The following KCNC2 variants were observed in gnomAD, a reference collection of about 807,000 sequenced individuals.
KCNC2 encodes potassium voltage-gated channel subfamily C member 2.
In KCNC2, 21 loss-of-function variants were observed where a neutral mutation model predicts 44.5. The observed-to-expected ratio is 0.47, with a 90% CI of 0.33 to 0.68. The LOEUF is 0.68. Ranked by LOEUF, KCNC2 falls within the 30% of genes least tolerant of loss-of-function variation. KCNC2 has a pLI of 0.01. For missense variants in KCNC2, 589 were observed against 826.2 expected (o/e 0.71, Z 3.52); for synonymous variants, 391 against 339.1 (o/e 1.15, Z -1.68).
intron 2 of KCNC2, among the ~76,000 whole-genome samples, chr12:75,128,070 A>G (rs1016026873): frequency 6.6e-6 from 1 of 152,202 alleles, no homozygotes; most frequent in Non-Finnish European, 1.5e-5. Context: ...ATGAAAAATA[A>G]TAACTCAAAT....
chr12:75,192,121 G>T (rs1565682462), intron 2 of KCNC2, among the ~76,000 whole-genome samples: 2 of 152,088 alleles, frequency 1.3e-5, no homozygotes, highest in South Asian at 4.1e-4. Flanking sequence ...GATAGAATGT[G>T]GAAAAATTCA....
rs1477847877 is a variant in KCNC2, at chr12:75,207,441, G to T, written c.543C>A (p.Asp181Glu). 2 of 1,608,654 alleles carry T rather than the reference G, an allele frequency of 1.2e-6. No homozygotes were observed. Among genetic ancestry groups the T allele is most frequent in the Non-Finnish European group, 8.5e-7 (1 of 1,177,890 alleles). The stretch of plus-strand genomic sequence containing the variant: ...GCCTCTTGGCCGCCAGGTCCTCGTC[G>T]TCGCCGGGGTCGCCGCCAATGAGGT... The part of the protein sequence containing the change: ...TPDLIGGDPG[D>E]DEDLAAKRLG... The change falls in exon 2 of 5, where the codon GAC becomes GAA. Residue 181 changes from aspartate to glutamate, a missense_variant. Transcript: ENST00000549446. This position sits in a 1 kb window ranked among gnomAD's most constrained non-coding sequence, Gnocchi z 4.1.
intron 2 of KCNC2, among the ~76,000 whole-genome samples, chr12:75,109,282 C>T (rs1221319576): frequency 6.6e-6 from 1 of 152,162 alleles, no homozygotes; most frequent in African/African-American, 2.4e-5. Context: ...TTAATGCCCC[C>T]ATCATCCTTT....
intron 2 of KCNC2, among the ~76,000 whole-genome samples, chr12:75,182,175 A>T (rs530823829): frequency 1.3e-5 from 2 of 151,920 alleles, no homozygotes; most frequent in African/African-American, 4.8e-5. Flanking sequence ...CTGCCTCTGC[A>T]TGAATGCTTC....
rs1356776459 is a variant in KCNC2 at position 75,040,983 on chromosome 12, A to T, written c.*2122T>A. ...TTGTTTCATGGACACTGGCCAGTCT[A>T]CAAGCAGAGCACTCTCATGGGGAGC... On this transcript the variant is annotated 3_prime_UTR_variant, in exon 5 of 5. Transcript: ENST00000549446. 2.0e-5 allele frequency: 15 copies of T among 745,848 alleles called. No individual in the cohort carries two copies. Among genetic ancestry groups the T allele is most frequent in the Non-Finnish European group, 3.4e-5 (15 of 435,738 alleles). The allele number at this position is 745,848 out of a possible 1,614,324, so 46.2% of individuals were successfully genotyped here.
intron 2 of KCNC2, among the ~76,000 whole-genome samples, chr12:75,206,249 C>T (rs2031676388): frequency 1.3e-5 from 2 of 152,124 alleles, no homozygotes; most frequent in Non-Finnish European, 2.9e-5. Context: ...CGGAAGCAAA[C>T]CAGACACATG....
chr12:75,061,603 AC>A (rs1217165079), intron 2 of KCNC2, among the ~76,000 whole-genome samples: 23 of 145,374 alleles, frequency 1.6e-4, no homozygotes, highest in Non-Finnish European at 3.0e-4. Context: ...ACACACACAC[AC>A]ACACACACAA....
intron 2 of KCNC2, among the ~76,000 whole-genome samples, chr12:75,069,383 G>A (rs781654184): frequency 7.9e-5 from 12 of 151,900 alleles, no homozygotes; most frequent in South Asian, 2.1e-4. Context: ...TGATCCGCCC[G>A]CCTCAGCCTC....
At chr12:75,168,837 A>G (rs1891627928) in intron 2 of KCNC2, among the ~76,000 whole-genome samples, 1 of 151,546 alleles carries the variant, frequency 6.6e-6, no homozygotes, top group African/African-American at 2.4e-5. Flanking sequence ...AATAATAGAA[A>G]TCTCCTTCAA....
chr12:75,182,753 G>A (rs766719860), intron 2 of KCNC2, among the ~76,000 whole-genome samples: 9 of 152,152 alleles, frequency 5.9e-5, no homozygotes, highest in Non-Finnish European at 1.2e-4. Context: ...AATCAAGCAC[G>A]TTAATATTTC....
At chr12:75,130,324 A>G (rs1320022768) in intron 2 of KCNC2, among the ~76,000 whole-genome samples, 1 of 152,212 alleles carries the variant, frequency 6.6e-6, no homozygotes, top group Non-Finnish European at 1.5e-5. Context: ...TAACATTTAT[A>G]ATGGCATAAT....
At chr12:75,123,796 G>T (rs1320794313) in intron 2 of KCNC2, among the ~76,000 whole-genome samples, 1 of 152,062 alleles carries the variant, frequency 6.6e-6, no homozygotes, top group East Asian at 1.9e-4. Context: ...CAGAATCAAA[G>T]AAAACAGGAG....
chr12:75,109,474 C>A (rs2137227279), intron 2 of KCNC2, among the ~76,000 whole-genome samples: 1 of 152,262 alleles, frequency 6.6e-6, no homozygotes, highest in South Asian at 2.1e-4. Context: ...TATGTGGGAT[C>A]TGAGAACCTG....
At chr12:75,079,793 G>A (rs747090975) in intron 2 of KCNC2, among the ~76,000 whole-genome samples, 7 of 152,048 alleles carry the variant, frequency 4.6e-5, no homozygotes, top group African/African-American at 1.7e-4. Context: ...CAAAAGCTAC[G>A]ATAATTTTCT....
intron 2 of KCNC2, among the ~76,000 whole-genome samples, chr12:75,094,205 C>T (rs1885729991): frequency 2.0e-5 from 3 of 151,492 alleles, no homozygotes; most frequent in Admixed American, 6.6e-5. Context: ...TGTCCAATAA[C>T]AGAAAATTTA....
chr12:75,073,016 T>C (rs1265538568), intron 2 of KCNC2, among the ~76,000 whole-genome samples: 2 of 152,082 alleles, frequency 1.3e-5, no homozygotes, highest in Non-Finnish European at 2.9e-5. Context: ...AAAACCCAAA[T>C]CTGATCTAAA....
chr12:75,138,243 C>A (rs1889371231), intron 2 of KCNC2, among the ~76,000 whole-genome samples: 1 of 152,160 alleles, frequency 6.6e-6, no homozygotes, highest in South Asian at 2.1e-4. Context: ...TAAACAGAAC[C>A]ATTTGCTCAT....
chr12:75,192,301 G>T (rs933628072), intron 2 of KCNC2, among the ~76,000 whole-genome samples: 1 of 152,200 alleles, frequency 6.6e-6, no homozygotes, highest in Non-Finnish European at 1.5e-5. Context: ...TCGTTTCCCT[G>T]TAATTAGCAG....
intron 2 of KCNC2, among the ~76,000 whole-genome samples, chr12:75,072,647 G>A (rs1463428551): frequency 6.6e-6 from 1 of 151,752 alleles, no homozygotes; most frequent in Admixed American, 6.6e-5. Flanking sequence ...AAAAAAAAAG[G>A]TCACTTAGTA....
Sources: gnomAD v4.1 joint callset for allele counts (sites outside exome capture counted in the v4.1 genomes callset) on GRCh38, gnomAD v4.1.1 for gene constraint, Gnocchi (gnomAD v3.1) non-coding constraint, MANE v1.5 for transcripts, NCBI Gene and HGNC (gene_info 2026-07-23, HGNC 2026-07-21) for gene names.